The following UXS1 variants were observed in gnomAD, a reference collection of about 807,000 sequenced individuals.
The protein encoded by UXS1 is UDP-glucuronate decarboxylase 1, also known as UDP-glucuronic acid decarboxylase 1.
UXS1 carries 33 observed loss-of-function variants against 62.6 expected under a neutral mutation model. The ratio of observed to expected loss-of-function variants is 0.53; its 90% confidence interval spans 0.40 to 0.70. The LOEUF (loss-of-function observed/expected upper bound fraction) is 0.70. UXS1 is among the 30% of genes least tolerant of loss of function. The pLI, the probability that UXS1 is intolerant of heterozygous loss-of-function variation, is 0.00. For synonymous variants in UXS1, 213 were observed against 206.8 expected (o/e 1.03, Z -0.26); for missense variants, 434 against 556.3 (o/e 0.78, Z 2.21).
chr2:106,162,545 A>C (rs1207062317), intron 4 of UXS1, among the ~76,000 whole-genome samples: 1 of 152,250 alleles, frequency 6.6e-6, no homozygotes, highest in Non-Finnish European at 1.5e-5. Flanking sequence ...CTAAAAAGAA[A>C]AAAAAAGCTT....
Position 106,098,665 on chromosome 2 carries a change from G to A in UXS1, c.1042+51C>T, listed in dbSNP as rs57750258. 2.1e-5 allele frequency: 32 copies of A among 1,493,036 alleles called. No homozygotes were observed. In the East Asian group the frequency reaches 5.5e-4, roughly 26 times the overall value. The allele number at this position is 1,493,036 out of a possible 1,614,324, so 92.5% of individuals were successfully genotyped here. On this transcript the variant is annotated intron_variant, in intron 13 of 14. Transcript: ENST00000283148. ...CTTTCTAGTCAAGGTGTTATTAACA[G>A]ATAGGGCAGGCACAGTCGATTTTAC...
Position 106,101,071 on chromosome 2 carries a change from C to T in UXS1, c.971G>A (p.Ser324Asn), listed in dbSNP as rs577436704. 1.2e-6 allele frequency: 2 copies of T among 1,613,944 alleles called. No homozygotes were observed. Among genetic ancestry groups the T allele is most frequent in the East Asian group, 2.2e-5 (1 of 44,878 alleles). ...AGGAGCACTCACCAGGTTGACCGGGCTGCTGACGTTGCTGTTCATGAGAGC... is the reference window on the plus strand; with the variant it reads ...AGGAGCACTCACCAGGTTGACCGGGTTGCTGACGTTGCTGTTCATGAGAGC... ...LVALMNSNVS[S>N]PVNLGNPEEH... The change falls in exon 12 of 15, where the codon AGC becomes AAC. Residue 324 changes from serine (S) to asparagine (N), a missense_variant. Around this residue, in one of 3 missense-constraint regions of UXS1, gnomAD observed 209 missense variants for 233.3 expected, o/e 0.90. Coordinates refer to ENST00000283148, the MANE Select transcript of UXS1 (RefSeq NM_001253875.2).
At chr2:106,183,365 A>T (rs1283991614) in intron 1 of UXS1, 2 of 152,332 alleles carry the variant, frequency 1.3e-5, no homozygotes, top group East Asian at 3.9e-4. Flanking sequence ...AGATACTAAG[A>T]ATAACATTCC....
Position 106,096,863 on chromosome 2 carries a change from A to C in UXS1, c.1043-42T>G, listed in dbSNP as rs1461565767. 6 of 1,534,102 alleles carry C rather than the reference A, an allele frequency of 3.9e-6. No individual in the cohort carries two copies. In the African/African-American group the frequency reaches 5.5e-5, roughly 14 times the overall value. Reference sequence around the variant, plus strand: ...AAAAAAAGGTAGGAGAGAATCACAAAGCATGGGTAAGCACAGCCTTACCAT... The same window carrying C: ...AAAAAAAGGTAGGAGAGAATCACAACGCATGGGTAAGCACAGCCTTACCAT... On this transcript the variant is annotated intron_variant, in intron 13 of 14. Coordinates refer to ENST00000283148, the MANE Select transcript of UXS1 (RefSeq NM_001253875.2).
intron 5 of UXS1, among the ~76,000 whole-genome samples, chr2:106,155,689 A>G (rs1682369496): frequency 6.6e-6 from 1 of 152,224 alleles, no homozygotes; most frequent in African/African-American, 2.4e-5. Context: ...TGATGCTCAC[A>G]GAACAACAAC....
At chr2:106,148,281 C>T (rs1275131513) in intron 5 of UXS1, among the ~76,000 whole-genome samples, 1 of 152,242 alleles carries the variant, frequency 6.6e-6, no homozygotes, top group Non-Finnish European at 1.5e-5. Flanking sequence ...ACCACTAGAG[C>T]TTAACTCACG....
intron 1 of UXS1, among the ~76,000 whole-genome samples, chr2:106,172,232 G>A (rs1231528951): frequency 6.6e-6 from 1 of 152,140 alleles, no homozygotes; most frequent in African/African-American, 2.4e-5. Flanking sequence ...TGGGGGGCGG[G>A]GTGGATCCAC....
intron 9 of UXS1, among the ~76,000 whole-genome samples, chr2:106,114,088 A>G (rs1678864730): frequency 6.6e-6 from 1 of 152,178 alleles, no homozygotes; most frequent in African/African-American, 2.4e-5. Context: ...CGAGCCCCAG[A>G]GGCCCCATCA....
At chr2:106,163,941 G>C (rs1350195286) in intron 3 of UXS1, among the ~76,000 whole-genome samples, 1 of 152,190 alleles carries the variant, frequency 6.6e-6, no homozygotes, top group African/African-American at 2.4e-5. Flanking sequence ...GACAATTAAT[G>C]TTTTTGCTCA....
In UXS1 at chr2:106,101,085, G is replaced by A. The variant is rs1268809371; in HGVS notation, c.957C>T (p.Asn319=). The change falls in exon 12 of 15, where the codon AAC becomes AAT. Residue 319 remains asparagine (N), a synonymous_variant. Transcript: ENST00000283148. The part of the protein sequence containing the change: ...DLVNGLVALM[N]SNVSSPVNLG... ...GGTTGACCGGGCTGCTGACGTTGCT[G>A]TTCATGAGAGCCACGAGGCCATTCA... is the stretch of plus-strand genomic sequence containing the variant. The A allele has an allele frequency of 6.2e-7, 1 of 1,613,800 alleles. No homozygotes were observed. The highest frequency in any genetic ancestry group is 1.3e-5 in the African/African-American group (1 of 74,872).
intron 11 of UXS1, chr2:106,102,999 G>A (rs1368450839): frequency 6.6e-6 from 1 of 152,218 alleles, no homozygotes; most frequent in African/African-American, 2.4e-5. Context: ...ATGTGTCTAG[G>A]GAAACTGCTC....
At chr2:106,165,376 A>G (rs1161315549) in intron 2 of UXS1, among the ~76,000 whole-genome samples, 1 of 152,230 alleles carries the variant, frequency 6.6e-6, no homozygotes, top group Non-Finnish European at 1.5e-5. Flanking sequence ...GCCGCATTAC[A>G]TTACAATACC....
At chr2:106,168,319 C>T (rs980932926) in intron 1 of UXS1, among the ~76,000 whole-genome samples, 1 of 152,176 alleles carries the variant, frequency 6.6e-6, no homozygotes, top group Non-Finnish European at 1.5e-5. Flanking sequence ...TTTACAAATG[C>T]CATGGCAACG....
At chr2:106,173,582 C>A (rs970671176) in intron 1 of UXS1, among the ~76,000 whole-genome samples, 3 of 152,110 alleles carry the variant, frequency 2.0e-5, no homozygotes, top group African/African-American at 7.2e-5. Context: ...CCACAAAACT[C>A]TATTAAAAGA....
chr2:106,129,882 C>T (rs577428889), intron 6 of UXS1, 104 bp from the exon 7 acceptor site: 33 of 626,394 alleles, frequency 5.3e-5, no homozygotes, highest in Non-Finnish European at 7.9e-5. Context: ...ATATCTTTCA[C>T]TGAAATCAAG....
intron 1 of UXS1, among the ~76,000 whole-genome samples, chr2:106,169,125 G>A (rs1683385309): frequency 6.6e-6 from 1 of 152,190 alleles, no homozygotes; most frequent in Non-Finnish European, 1.5e-5. Context: ...ACCACGCACT[G>A]CTGCCACCAG....
chr2:106,109,518 A>G (rs867395094), intron 10 of UXS1, among the ~76,000 whole-genome samples: 39 of 152,320 alleles, frequency 2.6e-4, no homozygotes, highest in African/African-American at 8.7e-4. Flanking sequence ...GATAAATCAC[A>G]TAAGGTGGAA....
chr2:106,192,486 G>A (rs1684993200), intron 1 of UXS1, among the ~76,000 whole-genome samples: 1 of 151,976 alleles, frequency 6.6e-6, no homozygotes, highest in East Asian at 1.9e-4. Flanking sequence ...CCCGGGAGGT[G>A]GAGCGTGCAG....
At chr2:106,144,668 G>T (rs905628242) in intron 6 of UXS1, among the ~76,000 whole-genome samples, 1 of 152,210 alleles carries the variant, frequency 6.6e-6, no homozygotes, top group Non-Finnish European at 1.5e-5. Flanking sequence ...AGATCAAGGG[G>T]TTGGCAGATT....
Sources: gnomAD v4.1 joint callset for allele counts (sites outside exome capture counted in the v4.1 genomes callset) on GRCh38, gnomAD v4.1.1 for gene constraint, gnomAD v4.1.1 regional missense constraint, MANE v1.5 for transcripts, NCBI Gene and HGNC (gene_info 2026-07-23, HGNC 2026-07-21) for gene names.